The following KDM2A variants were observed in gnomAD, a reference collection of about 807,000 sequenced individuals.
The protein encoded by KDM2A is lysine-specific demethylase 2A.
In KDM2A, 3 loss-of-function variants were observed where a neutral mutation model predicts 137.3. The observed-to-expected ratio is 0.02, with a 90% CI of 0.01 to 0.06. The LOEUF is 0.06. Ranked by LOEUF, KDM2A falls within the 10% of genes least tolerant of loss-of-function variation. The pLI is 1.00. For synonymous variants in KDM2A, 512 were observed against 541.5 expected (o/e 0.95, Z 0.76); for missense variants, 738 against 1,510.6 (o/e 0.49, Z 8.48).
chr11:67,122,880 T>G (rs905752059), intron 2 of KDM2A, among the ~76,000 whole-genome samples: 1 of 151,494 alleles, frequency 6.6e-6, no homozygotes, highest in Non-Finnish European at 1.5e-5. Context: ...TTTCACTGTG[T>G]TAGCCAGGAT....
intron 11 of KDM2A, among the ~76,000 whole-genome samples, chr11:67,228,819 C>G (rs1193096671): frequency 6.6e-6 from 1 of 152,056 alleles, no homozygotes; most frequent in Non-Finnish European, 1.5e-5. Context: ...TCACTGTAAC[C>G]TCAAACTCCT....
chr11:67,121,438 G>A (rs1208959775), intron 2 of KDM2A, 80 bp downstream of exon 2: 3 of 1,392,078 alleles, frequency 2.2e-6, no homozygotes, highest in African/African-American at 1.4e-5. Context: ...AATATACTGT[G>A]AATCTGTGAT....
intron 2 of KDM2A, among the ~76,000 whole-genome samples, chr11:67,148,474 A>C (rs539527184): frequency 6.6e-6 from 1 of 152,158 alleles, no homozygotes; most frequent in East Asian, 1.9e-4. Context: ...CTCAAATAAT[A>C]GGTATCAATC....
intron 17 of KDM2A, among the ~76,000 whole-genome samples, chr11:67,251,441 TG>T (rs1366467928): frequency 6.6e-6 from 1 of 152,258 alleles, no homozygotes; most frequent in Non-Finnish European, 1.5e-5. Flanking sequence ...CTAGTGATGA[TG>T]AACAAGGAGC....
chr11:67,246,212 C>A, intron 15 of KDM2A, 96 bp downstream of exon 15: 1 of 1,336,954 alleles, frequency 7.5e-7, no homozygotes, highest in Non-Finnish European at 1.1e-6. Context: ...AGCATCCCTA[C>A]TGTAGGCCAT....
intron 5 of KDM2A, chr11:67,195,793 C>T (rs1857465317): frequency 5.1e-6 from 1 of 197,428 alleles, no homozygotes; most frequent in South Asian, 9.4e-5. Flanking sequence ...TCAGCTTGTC[C>T]TAATTTAGTT....
intron 12 of KDM2A, among the ~76,000 whole-genome samples, chr11:67,237,582 C>A (rs1178787095): frequency 2.0e-5 from 3 of 152,100 alleles, no homozygotes; most frequent in African/African-American, 7.2e-5. Flanking sequence ...CAGGCATGAG[C>A]CACCTTACCC....
chr11:67,240,010 G>T, intron 12 of KDM2A: 3 of 1,270,560 alleles, frequency 2.4e-6, no homozygotes, highest in South Asian at 2.6e-5. Context: ...TGCCTGGCTC[G>T]CTCACTCTCG....
In KDM2A at chr11:67,245,501, G is replaced by T. The variant is rs767582486; in HGVS notation, c.1833+43G>T. The T allele has an allele frequency of 4.4e-6, 7 of 1,603,804 alleles. No individual in the cohort carries two copies. The East Asian group carries it at 1.3e-4, about 31-fold the overall frequency. On this transcript the variant is annotated intron_variant, in intron 14 of 20. Transcript: ENST00000529006. The surrounding 1 kb of genome is among the most constrained non-coding windows in gnomAD (Gnocchi z 4.1). ...TAAAGAATTTTGGGGAGGGGTGGCA[G>T]TGCCAAAGGAACTGAAATACATATA...
At chr11:67,197,784 T>C (rs181516665) in intron 5 of KDM2A, among the ~76,000 whole-genome samples, 3 of 152,170 alleles carry the variant, frequency 2.0e-5, no homozygotes, top group Non-Finnish European at 4.4e-5. Flanking sequence ...CTTAGAACAG[T>C]GTCTGGCATA....
chr11:67,242,086 T>G (rs56171506), intron 12 of KDM2A, among the ~76,000 whole-genome samples: 2 of 151,908 alleles, frequency 1.3e-5, no homozygotes, highest in East Asian at 3.9e-4. Context: ...AAATAAAAAT[T>G]AAAAAAAATA....
chr11:67,147,366 C>T (rs986541385), intron 2 of KDM2A, among the ~76,000 whole-genome samples: 3 of 151,836 alleles, frequency 2.0e-5, no homozygotes, highest in African/African-American at 7.3e-5. Context: ...CACGGTGAAA[C>T]CCCGTCTCTA....
At chr11:67,186,296 T>C (rs1857205393) in intron 5 of KDM2A, among the ~76,000 whole-genome samples, 1 of 152,172 alleles carries the variant, frequency 6.6e-6, no homozygotes, top group South Asian at 2.1e-4. Context: ...AGTAAAATTA[T>C]GAACGAATTT....
intron 2 of KDM2A, among the ~76,000 whole-genome samples, chr11:67,177,598 C>A (rs1355560134): frequency 6.6e-6 from 1 of 151,980 alleles, no homozygotes; most frequent in Non-Finnish European, 1.5e-5. Context: ...ACTGGAAGAT[C>A]TTCAGGCACA....
intron 5 of KDM2A, among the ~76,000 whole-genome samples, chr11:67,188,658 G>A (rs2136346518): frequency 6.6e-6 from 1 of 151,766 alleles, no homozygotes; most frequent in East Asian, 1.9e-4. Context: ...AAGCATGGTG[G>A]CACATGCCTG....
chr11:67,202,874 A>AG (rs1410867160), intron 5 of KDM2A, among the ~76,000 whole-genome samples: 3 of 151,908 alleles, frequency 2.0e-5, no homozygotes, highest in African/African-American at 7.3e-5. Context: ...ACGTGCCTGT[A>AG]GTCCCAGCTA....
chr11:67,198,764 T>G (rs1306623430), intron 5 of KDM2A, among the ~76,000 whole-genome samples: 18 of 119,764 alleles, frequency 1.5e-4, no homozygotes, highest in African/African-American at 1.1e-3. Flanking sequence ...CAGTAGTTTG[T>G]TTTGTTTTGT....
At chr11:67,139,522 G>C (rs1263594242) in intron 2 of KDM2A, among the ~76,000 whole-genome samples, 1 of 152,092 alleles carries the variant, frequency 6.6e-6, no homozygotes, top group Non-Finnish European at 1.5e-5. Context: ...TAGGATTACA[G>C]GCGTGAGCCA....
At chr11:67,176,255 T>C (rs889351008) in intron 2 of KDM2A, among the ~76,000 whole-genome samples, 1 of 152,202 alleles carries the variant, frequency 6.6e-6, no homozygotes, top group African/African-American at 2.4e-5. Flanking sequence ...TCTTTCATTT[T>C]TTATGACTTA....
Sources: gnomAD v4.1 joint callset for allele counts (sites outside exome capture counted in the v4.1 genomes callset) on GRCh38, gnomAD v4.1.1 for gene constraint, Gnocchi (gnomAD v3.1) non-coding constraint, MANE v1.5 for transcripts, NCBI Gene and HGNC (gene_info 2026-07-23, HGNC 2026-07-21) for gene names.